The following CA10 variants were observed in gnomAD, a reference collection of about 807,000 sequenced individuals.
CA10 encodes carbonic anhydrase 10 (inactive).
In CA10, 14 loss-of-function variants were observed where a neutral mutation model predicts 44.2. The observed-to-expected ratio is 0.32, with a 90% CI of 0.21 to 0.50. The LOEUF (loss-of-function observed/expected upper bound fraction) is 0.50, where lower values mean the gene tolerates loss of function less well. Ranked by LOEUF, CA10 falls within the 20% of genes least tolerant of loss-of-function variation. The probability of loss-of-function intolerance (pLI) is 0.99; values close to 1 mark genes in which losing one functional copy is unlikely to be tolerated. For synonymous variants in CA10, 159 were observed against 141.6 expected (o/e 1.12, Z -0.87); for missense variants, 350 against 409.7 (o/e 0.85, Z 1.26).
intron 4 of CA10, among the ~76,000 whole-genome samples, chr17:51,668,230 G>A (rs984207705): frequency 2.0e-5 from 3 of 152,208 alleles, no homozygotes; most frequent in African/African-American, 7.2e-5. Flanking sequence ...CCACAGAGTG[G>A]TGGCATGCAT....
chr17:52,035,806 A>G (rs1014809799), intron 2 of CA10, among the ~76,000 whole-genome samples: 4 of 152,224 alleles, frequency 2.6e-5, no homozygotes, highest in African/African-American at 7.2e-5. Flanking sequence ...GCGGTGGGCT[A>G]TGTAAATGAG....
chr17:51,638,426 C>T (rs927867291), intron 6 of CA10, among the ~76,000 whole-genome samples: 1 of 152,190 alleles, frequency 6.6e-6, no homozygotes, highest in Non-Finnish European at 1.5e-5. Flanking sequence ...CACCAAGGAA[C>T]GAGGACATGC....
chr17:51,839,552 A>T lies in CA10; in HGVS notation c.279+91438T>A, dbSNP rs373980400. Among the ~76,000 whole-genome samples, 175 of 148,760 alleles carry T rather than the reference A, an allele frequency of 1.2e-3. 2 individuals carry two copies. The South Asian group carries it at 0.036, about 31-fold the overall frequency. On this transcript the variant is annotated intron_variant, in intron 3 of 8. Coordinates refer to ENST00000451037, the MANE Select transcript of CA10 (RefSeq NM_020178.5). The stretch of plus-strand genomic sequence containing the variant: ...AAAGGAACTACTTTGTAGAAGAGGC[A>T]GTTAAAAACAGAAATGAAGTAAAAA...
intron 3 of CA10, among the ~76,000 whole-genome samples, chr17:51,870,201 T>C (rs1501264): frequency 0.13 from 20,035 of 152,246 alleles, 1,772 homozygotes; most frequent in African/African-American, 0.26. Context: ...CAATGACTGA[T>C]TATACTTATA....
At chr17:52,015,380 T>A (rs886568711) in intron 2 of CA10, among the ~76,000 whole-genome samples, 4 of 152,206 alleles carry the variant, frequency 2.6e-5, no homozygotes, top group Middle Eastern at 3.4e-3. Flanking sequence ...GCAAATGGAA[T>A]TTGTCCCCAA....
At chr17:52,118,838 A>G (rs1356121634) in intron 1 of CA10, among the ~76,000 whole-genome samples, 3 of 152,022 alleles carry the variant, frequency 2.0e-5, no homozygotes, top group African/African-American at 4.8e-5. Flanking sequence ...TTCACAGGCA[A>G]TTGTTGTCTT....
intron 2 of CA10, among the ~76,000 whole-genome samples, chr17:51,986,279 T>C (rs558919212): frequency 2.0e-5 from 3 of 151,940 alleles, no homozygotes; most frequent in Non-Finnish European, 4.4e-5. Context: ...CAACAAATGG[T>C]GCTGAGATAT....
intron 4 of CA10, among the ~76,000 whole-genome samples, chr17:51,690,421 A>G (rs1229573612): frequency 2.0e-5 from 3 of 152,010 alleles, no homozygotes; most frequent in Non-Finnish European, 4.4e-5. Flanking sequence ...CTTCACTTCT[A>G]TGAGTTTAAC....
intron 3 of CA10, among the ~76,000 whole-genome samples, chr17:51,851,276 G>A (rs773139577): frequency 1.3e-5 from 2 of 152,138 alleles, no homozygotes; most frequent in Admixed American, 6.5e-5. Flanking sequence ...TGTAACCTAC[G>A]ATGCAAACGG....
intron 2 of CA10, among the ~76,000 whole-genome samples, chr17:52,013,253 A>T: frequency 6.6e-6 from 1 of 151,978 alleles, no homozygotes; most frequent in Non-Finnish European, 1.5e-5. Flanking sequence ...CTAAAATTAA[A>T]TTGATAATGT....
chr17:51,999,216 GT>G (rs1985339495), intron 2 of CA10, among the ~76,000 whole-genome samples: 1 of 151,990 alleles, frequency 6.6e-6, no homozygotes, highest in Non-Finnish European at 1.5e-5. Flanking sequence ...CATGAGGAAG[GT>G]ATTCTTCTAG....
chr17:51,958,075 C>A (rs1200239944), intron 2 of CA10, among the ~76,000 whole-genome samples: 1 of 152,032 alleles, frequency 6.6e-6, no homozygotes, highest in Non-Finnish European at 1.5e-5. Flanking sequence ...TCATCTTTGT[C>A]GTGCCTTCAA....
chr17:51,783,710 T>C (rs1332967885), intron 3 of CA10, among the ~76,000 whole-genome samples: 1 of 152,150 alleles, frequency 6.6e-6, no homozygotes, highest in Non-Finnish European at 1.5e-5. Flanking sequence ...GGGGGTCCTT[T>C]TCCTTGGATA....
intron 3 of CA10, among the ~76,000 whole-genome samples, chr17:51,860,887 A>G (rs1979272762): frequency 6.6e-6 from 1 of 152,124 alleles, no homozygotes; most frequent in African/African-American, 2.4e-5. Flanking sequence ...TGGGACAAAG[A>G]TATTACACTA....
chr17:51,987,445 G>A lies in CA10; in HGVS notation c.137-56313C>T, dbSNP rs1035981921. Among the ~76,000 whole-genome samples, 9 of 151,932 alleles carry A rather than the reference G, an allele frequency of 5.9e-5. No individual in the cohort carries two copies. The East Asian group carries it at 1.7e-3, about 29-fold the overall frequency. On this transcript the variant is annotated intron_variant, in intron 2 of 8. Coordinates refer to ENST00000451037, the MANE Select transcript of CA10 (RefSeq NM_020178.5). ...GCAGTGTACACTGCTCGGGTAATGG[G>A]TGCACCAAAATCTCACAAATCACCA...
chr17:51,748,378 A>T, intron 3 of CA10: 1 of 627,520 alleles, frequency 1.6e-6, no homozygotes, highest in African/African-American at 2.0e-5. Flanking sequence ...CAAGTGGTAA[A>T]CTAAAGGGAT....
chr17:51,640,307 G>A (rs1913027427), intron 6 of CA10, among the ~76,000 whole-genome samples: 1 of 152,160 alleles, frequency 6.6e-6, no homozygotes. Flanking sequence ...TATCAGATGA[G>A]GGGAAGCATC....
intron 3 of CA10, among the ~76,000 whole-genome samples, chr17:51,894,242 TGACTG>T (rs1314684806): frequency 1.3e-5 from 2 of 152,096 alleles, no homozygotes; most frequent in African/African-American, 4.8e-5. Flanking sequence ...AGGTGAGGGA[TGACTG>T]AATAAAGAGA....
At chr17:52,153,787 A>G (rs1216170745) in intron 1 of CA10, among the ~76,000 whole-genome samples, 1 of 152,220 alleles carries the variant, frequency 6.6e-6, no homozygotes, top group African/African-American at 2.4e-5. Context: ...TTTGTAGGAA[A>G]TAATGACATT....
Sources: gnomAD v4.1 joint callset for allele counts (sites outside exome capture counted in the v4.1 genomes callset) on GRCh38, gnomAD v4.1.1 for gene constraint, MANE v1.5 for transcripts, NCBI Gene and HGNC (gene_info 2026-07-23, HGNC 2026-07-21) for gene names.